SNX29: variants seen among roughly 807,000 people sequenced by gnomAD.
SNX29 encodes the protein sorting nexin-29.
A neutral mutation model predicts 102.1 loss-of-function variants in SNX29; 78 were observed. The observed-to-expected ratio is 0.76, with a 90% confidence interval of 0.64 to 0.92. The LOEUF (loss-of-function observed/expected upper bound fraction) is 0.92, where lower values mean the gene tolerates loss of function less well. Ranked by LOEUF, SNX29 falls within the 40% of genes least tolerant of loss-of-function variation. SNX29 has a pLI of 0.00. For missense variants in SNX29, 1,280 were observed against 1,061.7 expected (o/e 1.21, Z -2.86); for synonymous variants, 580 against 414.5 (o/e 1.40, Z -4.85).
chr16:12,511,447 T>G (rs2089614876), intron 19 of SNX29, among the ~76,000 whole-genome samples: 1 of 152,194 alleles, frequency 6.6e-6, no homozygotes, highest in African/African-American at 2.4e-5. Context: ...ACACTCCACA[T>G]CGTGCTTGGC....
chr16:12,344,378 C>G (rs1291043855), intron 15 of SNX29, among the ~76,000 whole-genome samples: 1 of 152,146 alleles, frequency 6.6e-6, no homozygotes, highest in East Asian at 1.9e-4. Flanking sequence ...AGGACTAAAC[C>G]TCCGTGAGCC....
intron 18 of SNX29, among the ~76,000 whole-genome samples, chr16:12,420,816 C>T (rs1015471797): frequency 6.6e-6 from 1 of 152,178 alleles, no homozygotes; most frequent in Non-Finnish European, 1.5e-5. Flanking sequence ...AGGGTGAACA[C>T]TGATAGTCTC....
intron 15 of SNX29, among the ~76,000 whole-genome samples, chr16:12,298,174 A>G (rs1239506088): frequency 1.3e-5 from 2 of 152,228 alleles, no homozygotes; most frequent in Non-Finnish European, 2.9e-5. Flanking sequence ...TGTTTCAGAA[A>G]GAAAAGAAAT....
chr16:12,564,831 C>T (rs1223274532), intron 20 of SNX29, among the ~76,000 whole-genome samples: 1 of 151,094 alleles, frequency 6.6e-6, no homozygotes, highest in Non-Finnish European at 1.5e-5. Context: ...GTACACAACG[C>T]TGAAGTCGGC....
intron 18 of SNX29, among the ~76,000 whole-genome samples, chr16:12,470,646 G>A (rs1007517478): frequency 2.6e-5 from 4 of 152,168 alleles, no homozygotes; most frequent in Non-Finnish European, 5.9e-5. Flanking sequence ...TTCTGAAAGC[G>A]GAGGGGATGC....
chr16:12,052,001 C>A lies in SNX29; in HGVS notation c.903C>A (p.Val301=). The change falls in exon 8 of 21, where the codon GTC becomes GTA. Residue 301 remains valine, a synonymous_variant. Coordinates refer to ENST00000566228, the MANE Select transcript of SNX29 (RefSeq NM_032167.5). ...SSEDNSDRSS[V]NIMSAFESPF... ...AGGACAACTCCGACCGCTCCTCTGTCAATATCATGTCCGCCTTTGAAAGCC... is the reference window on the plus strand; with the variant it reads ...AGGACAACTCCGACCGCTCCTCTGTAAATATCATGTCCGCCTTTGAAAGCC... 1 of 1,613,946 alleles carries A rather than the reference C, an allele frequency of 6.2e-7. No homozygotes were observed. The highest frequency in any genetic ancestry group is 8.5e-7 in the Non-Finnish European group (1 of 1,179,856).
At chr16:12,126,031 A>G (rs922014417) in intron 11 of SNX29, among the ~76,000 whole-genome samples, 1 of 151,770 alleles carries the variant, frequency 6.6e-6, no homozygotes, top group Admixed American at 6.6e-5. Context: ...AAATTCTACT[A>G]TCTAGTCTGC....
intron 13 of SNX29, among the ~76,000 whole-genome samples, chr16:12,191,477 C>T (rs533682858): frequency 6.6e-6 from 1 of 152,280 alleles, no homozygotes; most frequent in South Asian, 2.1e-4. Context: ...TACACCTTTC[C>T]CCTTCTCTCC....
intron 10 of SNX29, among the ~76,000 whole-genome samples, chr16:12,074,449 G>T (rs2051448122): frequency 1.3e-5 from 2 of 152,068 alleles, no homozygotes; most frequent in Admixed American, 1.3e-4. Context: ...GGCTGGATAT[G>T]AAATTCTGGG....
In SNX29 at chr16:12,553,379, C is replaced by G. The variant is rs187269072; in HGVS notation, c.2319-15127C>G. On this transcript the variant is annotated intron_variant, in intron 20 of 20. Coordinates refer to ENST00000566228, the MANE Select transcript of SNX29 (RefSeq NM_032167.5). ...TCTCAGAGCTTGCCAGACATGCTCT[C>G]AAGTTGAACATATAAGTAGTTCTGG... Among the ~76,000 whole-genome samples, 16 of 152,310 alleles carry G rather than the reference C, an allele frequency of 1.1e-4. No individual in the cohort carries two copies. The South Asian group carries it at 2.5e-3, about 24-fold the overall frequency.
rs570692528 is a variant in SNX29, at chr16:12,205,335, G to A, written c.1678+5652G>A. The stretch of plus-strand genomic sequence containing the variant: ...ATCCACCAAAGCTGGCTCTGTGTGT[G>A]TATGTGTCCCAAGTGGAATAAACAT... On this transcript the variant is annotated intron_variant, in intron 14 of 20. Coordinates refer to ENST00000566228, the MANE Select transcript of SNX29 (RefSeq NM_032167.5). Among the ~76,000 whole-genome samples the A allele has an allele frequency of 9.3e-4, 142 of 152,290 alleles. 1 individual carries two copies. Among genetic ancestry groups the A allele is most frequent in the African/African-American group, 3.2e-3 (131 of 41,546 alleles).
chr16:12,285,900 G>A lies in SNX29; in HGVS notation c.1782+7864G>A, dbSNP rs2079579143. ...TGATGGAGTTTCACTCTGTTGCCCA[G>A]GCTGGAGTGCAGTGGTACGATCTCA... On this transcript the variant is annotated intron_variant, in intron 15 of 20. Transcript: ENST00000566228. Among the ~76,000 whole-genome samples, 2 of 152,130 alleles carry A rather than the reference G, an allele frequency of 1.3e-5. 1 individual carries two copies. Among genetic ancestry groups the A allele is most frequent in the African/African-American group, 4.8e-5 (2 of 41,414 alleles).
chr16:12,075,666 G>A (rs1050758259), intron 10 of SNX29, among the ~76,000 whole-genome samples: 10 of 152,340 alleles, frequency 6.6e-5, no homozygotes, highest in South Asian at 4.1e-4. Flanking sequence ...TTCCAGCTGC[G>A]TGCTGGGAGA....
chr16:12,154,238 T>C (rs992256826), intron 13 of SNX29, among the ~76,000 whole-genome samples: 17 of 152,192 alleles, frequency 1.1e-4, no homozygotes, highest in African/African-American at 3.4e-4. Context: ...GCAGGCTTTC[T>C]GTAATTGCCC....
At chr16:12,055,507 A>G (rs972971518) in intron 8 of SNX29, among the ~76,000 whole-genome samples, 1 of 152,116 alleles carries the variant, frequency 6.6e-6, no homozygotes, top group African/African-American at 2.4e-5. Context: ...CTGGGATTAC[A>G]GGCATGAGCC....
chr16:12,438,985 C>T (rs1451066959), intron 18 of SNX29, among the ~76,000 whole-genome samples: 1 of 152,146 alleles, frequency 6.6e-6, no homozygotes, highest in Non-Finnish European at 1.5e-5. Context: ...CAGGATTGTC[C>T]ACCTGCCATG....
chr16:12,131,578 T>C (rs2054469453), intron 13 of SNX29, among the ~76,000 whole-genome samples: 1 of 152,236 alleles, frequency 6.6e-6, no homozygotes, highest in Non-Finnish European at 1.5e-5. Context: ...CAGATTGGAA[T>C]GATGAATTTA....
chr16:12,240,283 A>G (rs1291135518), intron 14 of SNX29, among the ~76,000 whole-genome samples: 1 of 152,212 alleles, frequency 6.6e-6, no homozygotes, highest in Non-Finnish European at 1.5e-5. Flanking sequence ...GACTGTCAAC[A>G]TGCTTCCCAG....
chr16:12,552,474 A>C (rs1322497867), intron 20 of SNX29, among the ~76,000 whole-genome samples: 1 of 152,192 alleles, frequency 6.6e-6, no homozygotes, highest in Admixed American at 6.5e-5. Context: ...TCATCACCCA[A>C]CGATTGGGCC....
Sources: allele counts gnomAD v4.1 joint callset (sites outside exome capture counted in the v4.1 genomes callset), GRCh38; gene constraint gnomAD v4.1.1; transcripts MANE v1.5; gene names NCBI Gene and HGNC (gene_info 2026-07-23, HGNC 2026-07-21).